Variants in MAMLD1 observed in about 807,000 individuals in gnomAD.
The protein encoded by MAMLD1 is mastermind-like domain-containing protein 1.
Under a neutral mutation model 45.0 loss-of-function variants are expected in MAMLD1, and 14 were observed. The ratio of observed to expected loss-of-function variants is 0.31; its 90% CI spans 0.21 to 0.49. The LOEUF (loss-of-function observed/expected upper bound fraction) is 0.49, where lower values mean the gene tolerates loss of function less well. Among genes scored for constraint, MAMLD1 ranks in the 20% least tolerant of loss-of-function variants. The pLI, the probability that MAMLD1 is intolerant of heterozygous loss-of-function variation, is 0.99. For synonymous variants in MAMLD1, 254 were observed against 247.8 expected (o/e 1.02, Z -0.24); for missense variants, 543 against 603.6 (o/e 0.90, Z 1.05).
At chrX:150,437,983 T>A in intron 1 of MAMLD1, among the ~76,000 whole-genome samples, 1 of 111,686 alleles carries the variant, frequency 9.0e-6, no homozygotes, top group Admixed American at 9.5e-5. Flanking sequence ...ATGGTCTTTT[T>A]TTTTTTCACT....
chrX:150,446,605 T>C (rs1422346688), intron 2 of MAMLD1, among the ~76,000 whole-genome samples: 1 of 112,621 alleles, frequency 8.9e-6, no homozygotes, highest in African/African-American at 3.2e-5. Context: ...GTATTGAGAA[T>C]GTGCTATCAA....
chrX:150,373,970 G>T (rs2032173434), intron 1 of MAMLD1, among the ~76,000 whole-genome samples: 1 of 112,022 alleles, frequency 8.9e-6, no homozygotes, highest in Non-Finnish European at 1.9e-5. Context: ...CTATTTATGA[G>T]TTAGAGAACT....
chrX:150,433,946 C>T (rs2035036123), intron 1 of MAMLD1, among the ~76,000 whole-genome samples: 1 of 111,766 alleles, frequency 8.9e-6, no homozygotes, highest in South Asian at 3.7e-4. Context: ...AGGATTCTTT[C>T]CTCCGCAGTT....
At chrX:150,413,948 C>T (rs1178458191) in intron 1 of MAMLD1, among the ~76,000 whole-genome samples, 2 of 94,072 alleles carry the variant, frequency 2.1e-5, no homozygotes, top group Non-Finnish European at 4.0e-5. Flanking sequence ...TGCTAGGGTG[C>T]TGAGGGAGAG....
Position 150,513,931 on chromosome X carries a change from A to C in MAMLD1, c.*1972A>C, listed in dbSNP as rs1269537553. 1.4e-5 allele frequency: 4 copies of C among 295,512 alleles called. No individual in the cohort carries two copies. The highest frequency in any genetic ancestry group is 2.4e-5 in the Non-Finnish European group (4 of 169,888). 24.4% of individuals were successfully genotyped at this position (295,512 alleles called of 1,213,427 possible). On this transcript the variant is annotated 3_prime_UTR_variant, in exon 8 of 8. Transcript: ENST00000370401. ...TGTGGTTTGGGGGGGAACATCTGTA[A>C]ACATTATTAGTTGATTTGGGGTTTG...
At chrX:150,488,477 A>T (rs1338224692) in intron 5 of MAMLD1, among the ~76,000 whole-genome samples, 1 of 112,657 alleles carries the variant, frequency 8.9e-6, no homozygotes, top group Non-Finnish European at 1.9e-5. Flanking sequence ...AACTTATGAC[A>T]CTCTATAGTT....
chrX:150,489,476 C>T (rs951052950), intron 5 of MAMLD1, among the ~76,000 whole-genome samples: 1 of 109,776 alleles, frequency 9.1e-6, no homozygotes. Flanking sequence ...AAGGTCTTGC[C>T]TCCTAATGAC....
At chrX:150,497,283 C>CTTTTTTTTTTTTT (rs782269885) in intron 5 of MAMLD1, among the ~76,000 whole-genome samples, 1 of 85,246 alleles carries the variant, frequency 1.2e-5, no homozygotes, top group African/African-American at 4.4e-5. Flanking sequence ...TCTTTTTTTT[C>CTTTTTTTTTTTTT]TTTTTTTTTT....
chrX:150,429,295 G>GT (rs1187198394), intron 1 of MAMLD1, among the ~76,000 whole-genome samples: 16 of 108,075 alleles, frequency 1.5e-4, no homozygotes, highest in East Asian at 8.8e-4. Context: ...GTGGGAATTG[G>GT]TTTTTTTTTA....
chrX:150,378,038 T>TGAATA, intron 1 of MAMLD1, among the ~76,000 whole-genome samples: 1 of 112,483 alleles, frequency 8.9e-6, no homozygotes, highest in Non-Finnish European at 1.9e-5. Flanking sequence ...AAGGCTTTAT[T>TGAATA]CAGATTTTGC....
chrX:150,426,982 T>C (rs907571625), intron 1 of MAMLD1, among the ~76,000 whole-genome samples: 2 of 112,183 alleles, frequency 1.8e-5, no homozygotes, highest in Non-Finnish European at 3.8e-5. Flanking sequence ...TCAAGGTGTG[T>C]CAGCAGGGCC....
In MAMLD1 at chrX:150,513,541, G is replaced by A. The variant is rs1436359342; in HGVS notation, c.*1582G>A. 3.9e-6 allele frequency: 1 copy of A among 257,219 alleles called. No individual in the cohort carries two copies. Among genetic ancestry groups the A allele is most frequent in the Non-Finnish European group, 6.8e-6 (1 of 146,311 alleles). 21.2% of individuals were successfully genotyped at this position (257,219 alleles called of 1,213,427 possible). On this transcript the variant is annotated 3_prime_UTR_variant, in exon 8 of 8. Transcript: ENST00000370401. Reference sequence around the variant, plus strand: ...ACAAATGCCAAATAGAAAACCACTTGGCCATTTATTTCTATGTTCACTAAA... The same window carrying A: ...ACAAATGCCAAATAGAAAACCACTTAGCCATTTATTTCTATGTTCACTAAA...
At chrX:150,402,667 C>G (rs1557402483) in intron 1 of MAMLD1, among the ~76,000 whole-genome samples, 3 of 111,908 alleles carry the variant, frequency 2.7e-5, no homozygotes, top group Non-Finnish European at 5.6e-5. Flanking sequence ...GACTTGGAAC[C>G]AACCCAAATG....
chrX:150,398,254 GAAGAAGAAGA>G (rs1569564546), intron 1 of MAMLD1, among the ~76,000 whole-genome samples: 21 of 21,870 alleles, frequency 9.6e-4, no homozygotes, highest in South Asian at 5.2e-3. Context: ...AGGAGAAGGA[GAAGAAGAAGA>G]AGAAGAAGAA....
At chrX:150,411,034 C>T (rs1291923598) in intron 1 of MAMLD1, among the ~76,000 whole-genome samples, 3 of 107,666 alleles carry the variant, frequency 2.8e-5, no homozygotes, top group Non-Finnish European at 5.7e-5. Flanking sequence ...ATTTTATGTA[C>T]GGCCCAGGAC....
intron 5 of MAMLD1, among the ~76,000 whole-genome samples, chrX:150,487,687 A>G (rs2037039159): frequency 8.9e-6 from 1 of 112,125 alleles, no homozygotes. Flanking sequence ...ATTCATCCTC[A>G]GGTCACAGCT....
Position 150,403,308 on chromosome X carries a change from G to A in MAMLD1, c.-64+39778G>A, listed in dbSNP as rs192191045. Among the ~76,000 whole-genome samples the A allele has an allele frequency of 2.5e-3, 276 of 111,676 alleles. 2 individuals are homozygous for A. The highest frequency in any genetic ancestry group is 8.7e-3 in the African/African-American group (267 of 30,723). On this transcript the variant is annotated intron_variant, in intron 1 of 7. Coordinates refer to ENST00000370401, the MANE Select transcript of MAMLD1 (RefSeq NM_005491.5). ...GTTGCCAGGGACTGAGGTGGGGTGT[G>A]GGGGATGATGAGTGACTGGTAGTGA...
chrX:150,433,768 A>G (rs2035030907), intron 1 of MAMLD1, among the ~76,000 whole-genome samples: 1 of 112,104 alleles, frequency 8.9e-6, no homozygotes. Context: ...CTACTTGATC[A>G]TGATGAATTA....
intron 2 of MAMLD1, among the ~76,000 whole-genome samples, chrX:150,459,818 T>C (rs183257234): frequency 1.1e-5 from 1 of 94,519 alleles, no homozygotes; most frequent in East Asian, 3.4e-4. Flanking sequence ...AAGATGGGAA[T>C]AAGAAAGGAA....
Sources: allele counts gnomAD v4.1 joint callset (sites outside exome capture counted in the v4.1 genomes callset), GRCh38; gene constraint gnomAD v4.1.1; transcripts MANE v1.5; gene names NCBI Gene and HGNC (gene_info 2026-07-23, HGNC 2026-07-21).